Variants in CALCOCO2 observed in about 807,000 individuals in gnomAD.
CALCOCO2 encodes the protein calcium binding and coiled-coil domain 2.
A neutral mutation model predicts 62.5 loss-of-function variants in CALCOCO2; 42 were observed. The ratio of observed to expected loss-of-function variants is 0.67; its 90% CI spans 0.53 to 0.87. CALCOCO2 has a LOEUF of 0.87. Ranked by LOEUF, CALCOCO2 falls within the 40% of genes least tolerant of loss-of-function variation. CALCOCO2 has a pLI of 0.00. For missense variants in CALCOCO2, 456 were observed against 515.0 expected, an observed-to-expected ratio of 0.89 and a Z score of 1.11; for synonymous variants, 167 against 173.0, an observed-to-expected ratio of 0.97 and a Z score of 0.27.
Position 48,864,648 on chromosome 17 carries a change from C to T in CALCOCO2, c.*1643C>T, listed in dbSNP as rs942415301. ...GTTGAGCCAACTATAGCTCTGTGTT[C>T]CTACTGGGCTTTCCCTAATGTGGTT... On this transcript the variant is annotated 3_prime_UTR_variant, in exon 13 of 13. Transcript: ENST00000258947. The T allele has an allele frequency of 1.3e-5, 2 of 152,390 alleles. No homozygotes were observed. Among genetic ancestry groups the T allele is most frequent in the African/African-American group, 4.8e-5 (2 of 41,438 alleles). 9.4% of individuals were successfully genotyped at this position (152,390 alleles called of 1,614,324 possible).
intron 1 of CALCOCO2, among the ~76,000 whole-genome samples, chr17:48,834,909 T>C (rs983584662): frequency 8.6e-5 from 13 of 151,712 alleles, no homozygotes; most frequent in African/African-American, 3.1e-4. Flanking sequence ...TAGGTGGGCA[T>C]GGTGGCGCAT....
intron 1 of CALCOCO2, among the ~76,000 whole-genome samples, chr17:48,835,308 C>G (rs528690484): frequency 2.0e-5 from 3 of 152,232 alleles, no homozygotes; most frequent in South Asian, 2.1e-4. Context: ...TACTCATGGC[C>G]CTTTGTGTCC....
intron 8 of CALCOCO2, 29 bp from the exon 9 acceptor site, chr17:48,852,897 C>T (rs1053631419): frequency 6.5e-7 from 1 of 1,537,954 alleles, no homozygotes; most frequent in Non-Finnish European, 9.0e-7. Context: ...GTTTTCCCAG[C>T]AATGGTACTG....
In CALCOCO2 at chr17:48,865,207, G is replaced by A. The variant is rs571975876; in HGVS notation, c.*2202G>A. The A allele has an allele frequency of 6.6e-6, 1 of 152,222 alleles. No homozygotes were observed. Among genetic ancestry groups the A allele is most frequent in the African/African-American group, 2.4e-5 (1 of 41,534 alleles). The allele number at this position is 152,222 out of a possible 1,614,324, so 9.4% of individuals were successfully genotyped here. Reference sequence around the variant, plus strand: ...GCTGCTCTTACCAAGGCTTTGAAGGGGGAAATTATGCTCTAGGCAGCCACT... The same window carrying A: ...GCTGCTCTTACCAAGGCTTTGAAGGAGGAAATTATGCTCTAGGCAGCCACT... On this transcript the variant is annotated 3_prime_UTR_variant, in exon 13 of 13. Transcript: ENST00000258947.
At position 48,832,309 on chromosome 17, in the gene CALCOCO2, G is replaced by A. The variant is rs2039825412; in HGVS notation, c.-11+1231G>A. Among the ~76,000 whole-genome samples, 3 of 152,198 alleles carry A rather than the reference G, an allele frequency of 2.0e-5. No homozygotes were observed. The South Asian group carries it at 6.2e-4, about 32-fold the overall frequency. ...CTTGGGAGGCTGAGGCAGGAGAATC[G>A]CTTGGACCCAGACAGCGGAGGGTGC... On this transcript the variant is annotated intron_variant, in intron 1 of 12. Coordinates refer to ENST00000258947, the MANE Select transcript of CALCOCO2 (RefSeq NM_005831.5).
At chr17:48,851,375 C>G in intron 6 of CALCOCO2, 184 bp from the exon 7 acceptor site, 1 of 622,680 alleles carries the variant, frequency 1.6e-6, no homozygotes, top group Non-Finnish European at 2.9e-6. Flanking sequence ...CAAATATTAA[C>G]TTTAGGGATT....
intron 2 of CALCOCO2, among the ~76,000 whole-genome samples, chr17:48,844,322 C>T (rs980118776): frequency 2.6e-5 from 4 of 151,940 alleles, no homozygotes; most frequent in African/African-American, 9.7e-5. Flanking sequence ...GACTTTAAAA[C>T]GTAGTTTATA....
At chr17:48,841,675 C>T (rs971247378) in intron 1 of CALCOCO2, 23 bp from the exon 2 acceptor site, 2 of 1,523,190 alleles carry the variant, frequency 1.3e-6, no homozygotes, top group East Asian at 2.3e-5. Flanking sequence ...CTGAGCCTTA[C>T]TCTGTTCCAC....
intron 10 of CALCOCO2, among the ~76,000 whole-genome samples, chr17:48,857,497 C>CTTTTTGTTTTTTTTTTT (rs2040235738): frequency 2.6e-5 from 1 of 38,428 alleles, no homozygotes; most frequent in African/African-American, 8.3e-5. Flanking sequence ...GCACCCGGCC[C>CTTTTTGTTTTTTTTTTT]TTTTTTTTTT....
Position 48,841,757 on chromosome 17 carries a change from A to G in CALCOCO2, c.50A>G (p.His17Arg). 3 of 1,613,718 alleles carry G rather than the reference A, an allele frequency of 1.9e-6. No homozygotes were observed. The highest frequency in any genetic ancestry group is 1.7e-6 in the Non-Finnish European group (2 of 1,179,714). Residue 17 changes from histidine to arginine, a missense_variant, in exon 2 of 13, where the codon CAC (histidine) becomes CGC (arginine). This residue lies in a region of CALCOCO2 where 48 missense variants were observed against 79.3 expected (regional missense o/e 0.61). Coordinates refer to ENST00000258947, the MANE Select transcript of CALCOCO2 (RefSeq NM_005831.5). ...DPPTSAVLLD[H>R]CHFSQVIFNS... is the part of the protein sequence containing the mutation. ...CCCACATCAGCTGTCTTGCTGGATC[A>G]CTGTCATTTCTCTCAGGTCATCTTT...
chr17:48,862,885 TCA>T lies in CALCOCO2; in HGVS notation c.1225_1226del (p.Thr409LeufsTer17), dbSNP rs745638203. The T allele has an allele frequency of 6.2e-7, 1 of 1,614,132 alleles. No individual in the cohort carries two copies. The highest frequency in any genetic ancestry group is 8.5e-7 in the Non-Finnish European group (1 of 1,179,956). On this transcript the variant is annotated frameshift_variant, in exon 13 of 13. Coordinates refer to ENST00000258947, the MANE Select transcript of CALCOCO2 (RefSeq NM_005831.5). LOFTEE classifies it low-confidence loss of function (END_TRUNC). ...PICKADDICDHTLEQQQMQPL... is the reference protein window; with the variant it reads ...PICKADDICDXTLEQQQMQPL... Reference sequence around the variant, plus strand: ...TCTGCAAAGCAGATGATATTTGTGATCACACCTTGGAGCAACAGCAGATGCAG... The same window carrying T: ...TCTGCAAAGCAGATGATATTTGTGATCACCTTGGAGCAACAGCAGATGCAG...
At chr17:48,851,231 C>T (rs559740871) in intron 6 of CALCOCO2, 54 bp downstream of exon 6, 2 of 962,160 alleles carry the variant, frequency 2.1e-6, no homozygotes, top group East Asian at 2.4e-5. Flanking sequence ...CATCAGTACC[C>T]TTAAGTACAG....
In CALCOCO2 at chr17:48,860,325, G is replaced by C; in HGVS notation, c.1020G>C (p.Arg340Ser). The C allele has an allele frequency of 6.2e-7, 1 of 1,613,530 alleles. No individual in the cohort carries two copies. Among genetic ancestry groups the C allele is most frequent in the South Asian group, 1.1e-5 (1 of 91,044 alleles). Residue 340 changes from arginine (R) to serine (S), a missense_variant, in exon 11 of 13, where the codon AGG becomes AGC. This residue lies in a region of CALCOCO2 where 172 missense variants were observed against 210.3 expected (regional missense o/e 0.82). Coordinates refer to ENST00000258947, the MANE Select transcript of CALCOCO2 (RefSeq NM_005831.5). ...TCCTCTATCCTTAGCTTTTGAAGAG[G>C]GAGAACAGCAGATTGCTCAGTTACA... ...RLEGENDLLKRENSRLLSYMG... is the reference protein window; with the variant it reads ...RLEGENDLLKSENSRLLSYMG...
At chr17:48,841,146 C>T (rs990634153) in intron 1 of CALCOCO2, among the ~76,000 whole-genome samples, 10 of 152,320 alleles carry the variant, frequency 6.6e-5, no homozygotes, top group South Asian at 6.2e-4. Flanking sequence ...GGAATTTGAA[C>T]GCCACCATTC....
intron 10 of CALCOCO2, among the ~76,000 whole-genome samples, chr17:48,858,046 A>ATAGAATAATAGAATAGAAT: frequency 5.0e-5 from 2 of 40,048 alleles, no homozygotes; most frequent in African/African-American, 1.9e-4. Flanking sequence ...ATAGAATAGA[A>ATAGAATAATAGAATAGAAT]AATAGAATAG....
intron 1 of CALCOCO2, 25 bp from the exon 2 acceptor site, chr17:48,841,673 T>TA: frequency 6.6e-7 from 1 of 1,511,420 alleles, no homozygotes; most frequent in Non-Finnish European, 9.1e-7. Flanking sequence ...TTCTGAGCCT[T>TA]ACTCTGTTCC....
intron 7 of CALCOCO2, among the ~76,000 whole-genome samples, chr17:48,851,935 C>T (rs781362240): frequency 7.2e-5 from 11 of 152,158 alleles, no homozygotes; most frequent in Non-Finnish European, 1.6e-4. Context: ...AGTTCGAGAT[C>T]AGCCTGGCCA....
intron 1 of CALCOCO2, among the ~76,000 whole-genome samples, chr17:48,836,758 C>CTTT (rs762035927): frequency 1.6e-5 from 2 of 122,346 alleles, no homozygotes. Context: ...GGAAGTCACT[C>CTTT]TTTTTTTTTT....
At position 48,848,472 on chromosome 17, in the gene CALCOCO2, A is replaced by G; in HGVS notation, c.417+17A>G. On this transcript the variant is annotated intron_variant, in intron 4 of 12. Transcript: ENST00000258947. ...ACCACTCAGGTTTGTAAAACTTCTC[A>G]CCTCAATCCCTTACTGCCATTACGG... 6.2e-7 allele frequency: 1 copy of G among 1,610,970 alleles called. No homozygotes were observed. Among genetic ancestry groups the G allele is most frequent in the Non-Finnish European group, 8.5e-7 (1 of 1,177,254 alleles).
Sources: gnomAD v4.1 joint callset for allele counts (sites outside exome capture counted in the v4.1 genomes callset) on GRCh38, gnomAD v4.1.1 for gene constraint, gnomAD v4.1.1 regional missense constraint, MANE v1.5 for transcripts, NCBI Gene and HGNC (gene_info 2026-07-23, HGNC 2026-07-21) for gene names.